DNAH14: variants seen among roughly 807,000 people sequenced by gnomAD.
DNAH14 encodes the protein dynein axonemal heavy chain 14.
In DNAH14, 478 loss-of-function variants were observed where a neutral mutation model predicts 520.9. The ratio of observed to expected loss-of-function variants is 0.92; its 90% CI spans 0.85 to 0.99. The LOEUF (loss-of-function observed/expected upper bound fraction) is 0.99, where lower values mean the gene tolerates loss of function less well. Ranked by LOEUF, DNAH14 falls within the 50% of genes least tolerant of loss-of-function variation. The pLI is 0.00. For missense variants in DNAH14, 4,831 were observed against 5,234.5 expected (o/e 0.92, Z 2.38); for synonymous variants, 1,581 against 1,757.2 (o/e 0.90, Z 2.51).
rs367932833 is a variant in DNAH14 at position 224,935,429 on chromosome 1, A to G, written c.-34+5594A>G. Among the ~76,000 whole-genome samples the G allele has an allele frequency of 5.3e-5, 8 of 152,056 alleles. No homozygotes were observed. The East Asian group carries it at 1.2e-3, about 22-fold the overall frequency. ...CAAATGGAAGCCAAAAGGGAGTAGG[A>G]GTAGCCATACTTAGATAAAACAGAC... On this transcript the variant is annotated intron_variant, in intron 1 of 85. Transcript: ENST00000682510.
intron 1 of DNAH14, among the ~76,000 whole-genome samples, chr1:224,935,471 T>TAA (rs2058970923): frequency 6.6e-6 from 1 of 151,606 alleles, no homozygotes; most frequent in South Asian, 2.1e-4. Flanking sequence ...TCAAGAATAG[T>TAA]AAAAAAGACA....
chr1:225,145,332 G>A lies in DNAH14; in HGVS notation c.4747G>A (p.Gly1583Ser), dbSNP rs2079838306. ...ETVKDLAKSL[G>S]KHCVVFNCFE... ...AAATATTTTTGTTTCCCAGTCCTTA[G>A]GCAAACATTGTGTGGTCTTCAACTG... Residue 1583 changes from glycine to serine, a missense_variant, in exon 30 of 86, where the codon GGC (glycine) becomes AGC (serine). By Grantham distance (56) the Gly-to-Ser change is moderately conservative (BLOSUM62 0). Coordinates refer to ENST00000682510, the MANE Select transcript of DNAH14 (RefSeq NM_001367479.1). 1 of 1,544,420 alleles carries A rather than the reference G, an allele frequency of 6.5e-7. No individual in the cohort carries two copies. The highest frequency in any genetic ancestry group is 8.7e-7 in the Non-Finnish European group (1 of 1,143,928).
At chr1:225,156,736 A>T (rs2149121479) in intron 34 of DNAH14, among the ~76,000 whole-genome samples, 1 of 55,932 alleles carries the variant, frequency 1.8e-5, no homozygotes, top group Admixed American at 3.1e-4. Context: ...TTTTTTTGAG[A>T]CGGAGTCTCG....
intron 71 of DNAH14, among the ~76,000 whole-genome samples, chr1:225,347,523 G>C (rs2095305063): frequency 6.6e-6 from 1 of 152,132 alleles, no homozygotes; most frequent in Non-Finnish European, 1.5e-5. Context: ...TTGTCTAGGG[G>C]CCTCCCAAGG....
At chr1:225,180,135 G>A (rs74692198) in intron 36 of DNAH14, among the ~76,000 whole-genome samples, 1 of 152,012 alleles carries the variant, frequency 6.6e-6, no homozygotes, top group Non-Finnish European at 1.5e-5. Flanking sequence ...TTCTGTACCT[G>A]GATATGTATA....
At chr1:225,283,771 C>T (rs1168857278) in intron 54 of DNAH14, among the ~76,000 whole-genome samples, 3 of 151,956 alleles carry the variant, frequency 2.0e-5, no homozygotes, top group African/African-American at 4.8e-5. Flanking sequence ...GAGGAGAGAC[C>T]GAATGCCAAG....
intron 60 of DNAH14, among the ~76,000 whole-genome samples, chr1:225,310,021 TATA>T (rs1191903647): frequency 4.0e-5 from 6 of 150,478 alleles, no homozygotes; most frequent in Admixed American, 2.0e-4. Flanking sequence ...AAACTTAAAG[TATA>T]ATAATAATAA....
intron 43 of DNAH14, among the ~76,000 whole-genome samples, chr1:225,245,870 C>T (rs1193063539): frequency 6.6e-6 from 1 of 152,044 alleles, no homozygotes; most frequent in East Asian, 1.9e-4. Context: ...TTAGGAAAAA[C>T]TACTTTAAAT....
intron 15 of DNAH14, among the ~76,000 whole-genome samples, chr1:225,045,592 A>G (rs1267459890): frequency 1.3e-5 from 2 of 151,744 alleles, no homozygotes; most frequent in Non-Finnish European, 2.9e-5. Context: ...CTGGTAATTT[A>G]CTCTACAGAT....
At chr1:225,174,414 G>T (rs1200175112) in intron 36 of DNAH14, among the ~76,000 whole-genome samples, 1 of 151,888 alleles carries the variant, frequency 6.6e-6, no homozygotes, top group Non-Finnish European at 1.5e-5. Flanking sequence ...CACCTTCTAG[G>T]TATTTCATAT....
chr1:225,262,530 GA>G (rs1320894664), intron 46 of DNAH14, among the ~76,000 whole-genome samples: 4 of 152,144 alleles, frequency 2.6e-5, no homozygotes, highest in Admixed American at 2.0e-4. Flanking sequence ...CACAGTAAGA[GA>G]TAAGAATCCA....
At chr1:225,302,331 C>A (rs889706956) in intron 56 of DNAH14, among the ~76,000 whole-genome samples, 3 of 151,886 alleles carry the variant, frequency 2.0e-5, no homozygotes, top group Admixed American at 1.3e-4. Context: ...TTGCACTGAG[C>A]AGTTTTATTT....
At chr1:225,209,442 G>A (rs1196014861) in intron 41 of DNAH14, among the ~76,000 whole-genome samples, 3 of 152,160 alleles carry the variant, frequency 2.0e-5, no homozygotes, top group Non-Finnish European at 2.9e-5. Context: ...GAGATTTACA[G>A]GTTCTCATGT....
chr1:225,131,533 G>GT (rs2078422646), intron 27 of DNAH14, among the ~76,000 whole-genome samples: 1 of 152,040 alleles, frequency 6.6e-6, no homozygotes, highest in Non-Finnish European at 1.5e-5. Flanking sequence ...GATTACATGT[G>GT]TTTTCTGGAT....
At chr1:225,371,762 T>C (rs972930536) in intron 77 of DNAH14, among the ~76,000 whole-genome samples, 1 of 152,064 alleles carries the variant, frequency 6.6e-6, no homozygotes, top group African/African-American at 2.4e-5. Context: ...GCCTCCCTGG[T>C]AGTAAACACC....
At chr1:225,299,179 G>A (rs960279248) in intron 55 of DNAH14, among the ~76,000 whole-genome samples, 4 of 152,196 alleles carry the variant, frequency 2.6e-5, no homozygotes, top group African/African-American at 7.2e-5. Flanking sequence ...AGCAAAAATT[G>A]CTAATCACTC....
At chr1:225,050,493 T>C in intron 16 of DNAH14, 117 bp downstream of exon 16, 1 of 1,099,100 alleles carries the variant, frequency 9.1e-7, no homozygotes, top group Non-Finnish European at 1.3e-6. Context: ...AATTGAAAAA[T>C]CATTTCCAGC....
intron 71 of DNAH14, among the ~76,000 whole-genome samples, chr1:225,347,381 T>C (rs1452863787): frequency 3.9e-5 from 6 of 152,192 alleles, no homozygotes; most frequent in African/African-American, 1.4e-4. Flanking sequence ...TTTTGCATCA[T>C]TTGACACATG....
intron 25 of DNAH14, among the ~76,000 whole-genome samples, chr1:225,118,538 C>G (rs1355910721): frequency 6.6e-6 from 1 of 152,080 alleles, no homozygotes. Flanking sequence ...ATGCTGTGCC[C>G]AACCCTTCTT....
Sources: gnomAD v4.1 joint callset for allele counts (sites outside exome capture counted in the v4.1 genomes callset) on GRCh38, gnomAD v4.1.1 for gene constraint, MANE v1.5 for transcripts, NCBI Gene and HGNC (gene_info 2026-07-23, HGNC 2026-07-21) for gene names.